Variants in SUCLG2 observed in about 807,000 individuals in gnomAD.
SUCLG2 encodes the protein succinate-CoA ligase GDP-forming subunit beta, also known as succinate--CoA ligase [GDP-forming] subunit beta, mitochondrial.
SUCLG2 carries 42 observed loss-of-function variants against 47.9 expected under a neutral mutation model. That is an observed-to-expected ratio of 0.88 (90% CI 0.69 to 1.14). The LOEUF is 1.14. Among genes scored for constraint, SUCLG2 ranks in the 50% most tolerant of loss-of-function variants. SUCLG2 has a pLI of 0.00. For missense variants in SUCLG2, 571 were observed against 525.9 expected (o/e 1.09, Z -0.84); for synonymous variants, 195 against 197.3 (o/e 0.99, Z 0.10).
chr3:67,615,614 A>T (rs896174915), intron 1 of SUCLG2, among the ~76,000 whole-genome samples: 1 of 127,854 alleles, frequency 7.8e-6, no homozygotes, highest in Non-Finnish European at 1.6e-5. Context: ...ACACAAACAC[A>T]AACACAAACA....
chr3:67,593,549 C>A (rs2107282680), intron 2 of SUCLG2, among the ~76,000 whole-genome samples: 1 of 152,332 alleles, frequency 6.6e-6, no homozygotes, highest in Admixed American at 6.5e-5. Context: ...CACCACATCT[C>A]CCGTGTAAAC....
chr3:67,547,571 T>A (rs1575769642), intron 2 of SUCLG2, among the ~76,000 whole-genome samples: 1 of 152,166 alleles, frequency 6.6e-6, no homozygotes, highest in East Asian at 1.9e-4. Flanking sequence ...GAACAGTCTG[T>A]CATAATGCAT....
chr3:67,539,426 A>G (rs6774766), intron 2 of SUCLG2, among the ~76,000 whole-genome samples: 1,732 of 152,236 alleles, frequency 0.011, 35 homozygotes, highest in African/African-American at 0.04. Flanking sequence ...ATCGTGGTGG[A>G]TAAGCTTTTT....
intron 1 of SUCLG2, among the ~76,000 whole-genome samples, chr3:67,648,375 C>G (rs536374941): frequency 1.3e-5 from 2 of 152,158 alleles, no homozygotes; most frequent in African/African-American, 4.8e-5. Context: ...CAGCACAAGT[C>G]CAAATGACCA....
At chr3:67,394,536 C>T (rs1200405039) in intron 10 of SUCLG2, among the ~76,000 whole-genome samples, 4 of 151,372 alleles carry the variant, frequency 2.6e-5, no homozygotes, top group Admixed American at 1.3e-4. Context: ...AAGATCAAAT[C>T]TACGTCTCAT....
chr3:67,588,280 T>A (rs1318498080), intron 2 of SUCLG2, among the ~76,000 whole-genome samples: 2 of 152,194 alleles, frequency 1.3e-5, no homozygotes, highest in African/African-American at 2.4e-5. Flanking sequence ...GTAAGTCCTT[T>A]GCTATCAAAA....
chr3:67,376,412 G>C, intron 10 of SUCLG2: 2 of 985,412 alleles, frequency 2.0e-6, no homozygotes, highest in African/African-American at 3.5e-5. Context: ...GGTGGATCTG[G>C]AGTATCTTCT....
intron 2 of SUCLG2, among the ~76,000 whole-genome samples, chr3:67,566,572 T>C (rs1349952549): frequency 6.6e-6 from 1 of 152,232 alleles, no homozygotes; most frequent in East Asian, 1.9e-4. Context: ...AAATAATGCA[T>C]GCTTTTCTTC....
chr3:67,634,144 C>T (rs533510145), intron 1 of SUCLG2, among the ~76,000 whole-genome samples: 2 of 152,304 alleles, frequency 1.3e-5, no homozygotes, highest in African/African-American at 2.4e-5. Flanking sequence ...GATCCTGCAT[C>T]GTCTAGCTTC....
intron 9 of SUCLG2, among the ~76,000 whole-genome samples, chr3:67,420,575 T>C (rs1476672007): frequency 1.3e-5 from 2 of 152,234 alleles, no homozygotes; most frequent in Admixed American, 6.5e-5. Context: ...AGTAAAACTA[T>C]GTTCTTTCTC....
At chr3:67,521,907 C>T (rs911198602) in intron 4 of SUCLG2, among the ~76,000 whole-genome samples, 1 of 152,160 alleles carries the variant, frequency 6.6e-6, no homozygotes, top group Middle Eastern at 3.4e-3. Context: ...AGGTAAGCCA[C>T]CACGCCTGGC....
intron 9 of SUCLG2, among the ~76,000 whole-genome samples, chr3:67,430,542 C>G (rs1173039054): frequency 3.9e-5 from 6 of 152,080 alleles, no homozygotes; most frequent in Admixed American, 6.6e-5. Flanking sequence ...TTAAAAAGAA[C>G]TAGAGAAGCA....
chr3:67,495,562 G>T (rs1428675684), intron 9 of SUCLG2, among the ~76,000 whole-genome samples: 1 of 150,818 alleles, frequency 6.6e-6, no homozygotes, highest in African/African-American at 2.4e-5. Flanking sequence ...TGAGGAAGAA[G>T]AATCGCTTGA....
intron 9 of SUCLG2, chr3:67,408,949 T>C (rs1339413316): frequency 6.5e-7 from 1 of 1,534,268 alleles, no homozygotes; most frequent in African/African-American, 1.4e-5. Flanking sequence ...TCCAGCTCCA[T>C]ATTGGTCCTA....
At chr3:67,588,528 T>C (rs1158706572) in intron 2 of SUCLG2, among the ~76,000 whole-genome samples, 1 of 152,186 alleles carries the variant, frequency 6.6e-6, no homozygotes, top group Non-Finnish European at 1.5e-5. Context: ...AAATGAGATT[T>C]TGACTTGTTA....
chr3:67,404,174 G>A (rs1020271233), intron 9 of SUCLG2, among the ~76,000 whole-genome samples: 4 of 152,172 alleles, frequency 2.6e-5, no homozygotes, highest in African/African-American at 4.8e-5. Flanking sequence ...GTGAGCCACC[G>A]TGCCTGGCCT....
chr3:67,464,679 T>C (rs554899283), intron 9 of SUCLG2, among the ~76,000 whole-genome samples: 1 of 152,366 alleles, frequency 6.6e-6, no homozygotes, highest in African/African-American at 2.4e-5. Flanking sequence ...AAAATATTCT[T>C]ATTAATCACA....
rs762705417 is a variant in SUCLG2 at position 67,495,889 on chromosome 3, C to T, written c.971G>A (p.Gly324Asp). 24 of 1,614,012 alleles carry T rather than the reference C, an allele frequency of 1.5e-5. No individual in the cohort carries two copies. The South Asian group carries it at 2.6e-4, about 18-fold the overall frequency. The change falls in exon 9 of 11, where the codon GGT becomes GAT. Residue 324 changes from glycine to aspartate, a missense_variant. Transcript: ENST00000307227. ...MATCDIIFLN[G>D]GKPANFLDLG... ...ATCCAAGAAGTTGGCTGGCTTCCCA[C>T]CATTAAGGAAAATGATATCACAAGT... is the stretch of plus-strand genomic sequence containing the variant.
chr3:67,612,496 A>G (rs1700547763), intron 1 of SUCLG2, among the ~76,000 whole-genome samples: 1 of 152,090 alleles, frequency 6.6e-6, no homozygotes, highest in Non-Finnish European at 1.5e-5. Flanking sequence ...TGTAATATAA[A>G]CTGCTGAATA....
Sources: allele counts gnomAD v4.1 joint callset (sites outside exome capture counted in the v4.1 genomes callset), GRCh38; gene constraint gnomAD v4.1.1; transcripts MANE v1.5; gene names NCBI Gene and HGNC (gene_info 2026-07-23, HGNC 2026-07-21).